C2orf76: variants seen among roughly 807,000 people sequenced by gnomAD.
C2orf76 encodes the protein UPF0538 protein C2orf76.
Under a neutral mutation model 16.9 loss-of-function variants are expected in C2orf76, and 23 were observed. That is an observed-to-expected ratio of 1.36 (90% CI 0.98 to 1.93). The LOEUF is 1.93. Ranked by LOEUF, C2orf76 falls within the 30% of genes most tolerant of loss-of-function variation. C2orf76 has a pLI of 0.00. For synonymous variants in C2orf76, 48 were observed against 52.3 expected (o/e 0.92, Z 0.35); for missense variants, 152 against 152.6 (o/e 1.00, Z 0.02).
chr2:119,331,957 TAGAA>T (rs1435746418), intron 2 of C2orf76, among the ~76,000 whole-genome samples: 4 of 152,078 alleles, frequency 2.6e-5, no homozygotes, highest in African/African-American at 7.2e-5. Flanking sequence ...ATTTCATTAA[TAGAA>T]AGGAAGGTCA....
downstream of C2orf76, among the ~76,000 whole-genome samples, chr2:119,301,513 T>A (rs547261085): frequency 3.9e-5 from 6 of 152,038 alleles, no homozygotes; most frequent in East Asian, 1.2e-3. Flanking sequence ...CAGGGAGCAA[T>A]GGCAGAGCTG....
chr2:119,295,141 G>A, the C2orf76 span, among the ~76,000 whole-genome samples: 4 of 152,224 alleles, frequency 2.6e-5, no homozygotes, highest in East Asian at 1.9e-4. Context: ...AGACAGAGAC[G>A]ACAAGAAAGT....
chr2:119,339,575 TAA>T (rs11443971), intron 2 of C2orf76, among the ~76,000 whole-genome samples: 12 of 141,638 alleles, frequency 8.5e-5, no homozygotes, highest in Admixed American at 1.4e-4. Context: ...TACTTTTAAT[TAA>T]AAAAAAAAAA....
intron 3 of C2orf76, among the ~76,000 whole-genome samples, chr2:119,319,643 T>C (rs1211280653): frequency 1.3e-5 from 2 of 152,098 alleles, no homozygotes; most frequent in Non-Finnish European, 2.9e-5. Flanking sequence ...TTAAGATAAG[T>C]AGCATGCGTG....
At chr2:119,357,373 T>TAC (rs1680603829) in intron 1 of C2orf76, among the ~76,000 whole-genome samples, 1 of 152,060 alleles carries the variant, frequency 6.6e-6, no homozygotes. Context: ...ACCAAGTGGT[T>TAC]TTTTCCAGAG....
chr2:119,298,249 T>C (rs1052549030), downstream of C2orf76, among the ~76,000 whole-genome samples: 1 of 152,244 alleles, frequency 6.6e-6, no homozygotes, highest in African/African-American at 2.4e-5. Context: ...CATCTTGTTT[T>C]TCATGTTTAG....
rs902443737 is a variant in C2orf76 at position 119,311,538 on chromosome 2, G to C, written c.304+84C>G. 2.4e-5 allele frequency: 36 copies of C among 1,530,582 alleles called. 1 individual carries two copies. The African/African-American group carries it at 4.9e-4, about 21-fold the overall frequency. 94.8% of individuals were successfully genotyped at this position (1,530,582 alleles called of 1,614,324 possible). ...GACCAAGGACAGCATTTACTTTCCA[G>C]TGAGTTATCCAAATACCATCAGCCA... On this transcript the variant is annotated intron_variant, in intron 5 of 5. Transcript: ENST00000334816.
intron 1 of C2orf76, among the ~76,000 whole-genome samples, chr2:119,342,566 C>T (rs1012332816): frequency 4.6e-5 from 7 of 151,064 alleles, no homozygotes; most frequent in Non-Finnish European, 8.8e-5. Flanking sequence ...GAGCAGAGAT[C>T]GTGCCACTGC....
At chr2:119,326,320 T>C (rs1241219465) in intron 2 of C2orf76, among the ~76,000 whole-genome samples, 3 of 152,222 alleles carry the variant, frequency 2.0e-5, no homozygotes, top group East Asian at 1.9e-4. Context: ...AATACCTTGC[T>C]TGGGAAAATT....
At chr2:119,330,078 A>G (rs1299609923) in intron 2 of C2orf76, among the ~76,000 whole-genome samples, 1 of 152,130 alleles carries the variant, frequency 6.6e-6, no homozygotes, top group African/African-American at 2.4e-5. Context: ...AACTGCTTTA[A>G]AGAAGTTACT....
At chr2:119,350,317 T>A (rs1204890992) in intron 1 of C2orf76, among the ~76,000 whole-genome samples, 1 of 152,062 alleles carries the variant, frequency 6.6e-6, no homozygotes, top group Non-Finnish European at 1.5e-5. Flanking sequence ...TATGTTAGAT[T>A]TAATGTAGGA....
At chr2:119,288,921 T>C in the C2orf76 span, among the ~76,000 whole-genome samples, 2,025 of 152,128 alleles carry the variant, frequency 0.013, 36 homozygotes, top group African/African-American at 0.045. Context: ...CTCCCTCTCT[T>C]ACACCTCAAG....
intron 2 of C2orf76, among the ~76,000 whole-genome samples, chr2:119,332,933 A>G (rs1679722365): frequency 6.6e-6 from 1 of 152,162 alleles, no homozygotes; most frequent in Non-Finnish European, 1.5e-5. Flanking sequence ...GGGTCTTGCT[A>G]TGTTGCTCAG....
chr2:119,315,712 C>A (rs1444560938), intron 4 of C2orf76, among the ~76,000 whole-genome samples: 2 of 152,188 alleles, frequency 1.3e-5, no homozygotes, highest in African/African-American at 4.8e-5. Context: ...AAGCCAGATT[C>A]CAGAAGCACT....
chr2:119,337,207 A>G (rs1238706460), intron 2 of C2orf76, among the ~76,000 whole-genome samples: 3 of 150,482 alleles, frequency 2.0e-5, no homozygotes, highest in Non-Finnish European at 4.4e-5. Context: ...GATGTATGCC[A>G]CCATGCCCAG....
At chr2:119,300,463 C>T (rs867612411), downstream of C2orf76, among the ~76,000 whole-genome samples, 1 of 152,148 alleles carries the variant, frequency 6.6e-6, no homozygotes, top group African/African-American at 2.4e-5. Context: ...TACTAGATAC[C>T]GTTCTAACTC....
chr2:119,285,451 G>T, the C2orf76 span, among the ~76,000 whole-genome samples: 1 of 152,180 alleles, frequency 6.6e-6, no homozygotes, highest in Non-Finnish European at 1.5e-5. Flanking sequence ...GGCCCCAGTG[G>T]GGCTTTTTCC....
At chr2:119,309,748 A>G (rs566513459) in intron 5 of C2orf76, among the ~76,000 whole-genome samples, 4 of 152,192 alleles carry the variant, frequency 2.6e-5, no homozygotes, top group African/African-American at 9.6e-5. Flanking sequence ...TATCTGTTGT[A>G]TATGCTGCAG....
intron 5 of C2orf76, among the ~76,000 whole-genome samples, chr2:119,304,670 G>A (rs1678721553): frequency 6.6e-6 from 1 of 152,074 alleles, no homozygotes; most frequent in Non-Finnish European, 1.5e-5. Context: ...TAACAAATTG[G>A]AAAACACACA....
Sources: allele counts gnomAD v4.1 joint callset (sites outside exome capture counted in the v4.1 genomes callset), GRCh38; gene constraint gnomAD v4.1.1; transcripts MANE v1.5; gene names NCBI Gene and HGNC (gene_info 2026-07-23, HGNC 2026-07-21).